The following SRMS variants were observed in gnomAD, a reference collection of about 807,000 sequenced individuals.
SRMS encodes the protein src-related kinase lacking C-terminal regulatory tyrosine and N-terminal myristylation sites, also known as tyrosine-protein kinase Srms.
In SRMS, 42 loss-of-function variants were observed where a neutral mutation model predicts 43.5. The observed-to-expected ratio is 0.97, with a 90% CI of 0.75 to 1.25. The LOEUF (loss-of-function observed/expected upper bound fraction) is 1.25. Ranked by LOEUF, SRMS falls within the 50% of genes most tolerant of loss-of-function variation. The pLI, the probability that SRMS is intolerant of heterozygous loss-of-function variation, is 0.00. For missense variants in SRMS, 703 were observed against 681.0 expected (o/e 1.03, Z -0.36); for synonymous variants, 316 against 308.2 (o/e 1.03, Z -0.27).
At chr20:63,544,405 T>C in intron 1 of SRMS, 57 bp from the exon 2 acceptor site, 1 of 1,417,504 alleles carries the variant, frequency 7.1e-7, no homozygotes, top group Non-Finnish European at 9.2e-7. Context: ...TGGCCCCACA[T>C]GCTCTCCTCC....
chr20:63,543,290 G>A (rs200690195), intron 3 of SRMS, 24 bp downstream of exon 3: 4 of 1,609,368 alleles, frequency 2.5e-6, no homozygotes, highest in Middle Eastern at 1.7e-4. Flanking sequence ...CCAGCATGGG[G>A]CAGCTTGGCA....
rs961775830 is a variant in SRMS, at chr20:63,540,637, C to T, written c.*181G>A. On this transcript the variant is annotated 3_prime_UTR_variant, in exon 8 of 8. Transcript: ENST00000217188. The stretch of plus-strand genomic sequence containing the variant: ...TGCACGAGTCACACTGCACGGGGGA[C>T]GTCAGCCCCAGCCCTCCGTCTGCAC... Among the ~76,000 whole-genome samples the T allele has an allele frequency of 7.9e-5, 12 of 152,248 alleles. No homozygotes were observed. Among genetic ancestry groups the T allele is most frequent in the African/African-American group, 2.7e-4 (11 of 41,472 alleles).
intron 2 of SRMS, among the ~76,000 whole-genome samples, chr20:63,543,895 ATGAG>A (rs2082717101): frequency 6.6e-6 from 1 of 152,246 alleles, no homozygotes; most frequent in South Asian, 2.1e-4. Context: ...GAACGAGTGA[ATGAG>A]TGGATGAATG....
intron 1 of SRMS, 36 bp from the exon 2 acceptor site, chr20:63,544,384 C>T: frequency 1.4e-6 from 2 of 1,439,546 alleles, no homozygotes; most frequent in Non-Finnish European, 1.8e-6. Flanking sequence ...CCTTGCAGGC[C>T]CCTCAGCCAG....
chr20:63,547,358 G>A lies in SRMS; in HGVS notation c.106C>T (p.Pro36Ser). ...PDHGTPGSLD[P>S]NTDPVPTLPA... ...AGCGTGGGCACTGGGTCAGTGTTGGGGTCCAGGGACCCGGGGGTGCCATGG... is the reference window on the plus strand; with the variant it reads ...AGCGTGGGCACTGGGTCAGTGTTGGAGTCCAGGGACCCGGGGGTGCCATGG... The change falls in exon 1 of 8, where the codon CCC (proline) becomes TCC (serine). Residue 36 changes from proline to serine, a missense_variant. By Grantham distance (74) the Pro-to-Ser change is moderately conservative. Coordinates refer to ENST00000217188, the MANE Select transcript of SRMS (RefSeq NM_080823.4). 6.9e-6 allele frequency: 11 copies of A among 1,584,420 alleles called. No individual in the cohort carries two copies. Among genetic ancestry groups the A allele is most frequent in the Non-Finnish European group, 9.4e-6 (11 of 1,165,126 alleles).
Position 63,543,425 on chromosome 20 carries a change from G to T in SRMS, c.534C>A (p.Ser178Arg), listed in dbSNP as rs534594517. The change falls in exon 3 of 8, where the codon AGC becomes AGA. Residue 178 changes from serine to arginine, a missense_variant. Ser to Arg is a moderately radical substitution (Grantham distance 110). Coordinates refer to ENST00000217188, the MANE Select transcript of SRMS (RefSeq NM_080823.4). ...HYRVSMAADG[S>R]LYLQKGRLFP... The stretch of plus-strand genomic sequence containing the variant: ...AGAGCCGTCCCTTCTGCAGGTAGAG[G>T]CTGCCATCAGCTGCCATGGAGACCC... The T allele has an allele frequency of 6.2e-7, 1 of 1,612,812 alleles. No individual in the cohort carries two copies. Among genetic ancestry groups the T allele is most frequent in the South Asian group, 1.1e-5 (1 of 91,088 alleles).
chr20:63,541,300 C>T lies in SRMS; in HGVS notation c.1176G>A (p.Trp392Ter), dbSNP rs1221618322. 2.6e-6 allele frequency: 4 copies of T among 1,555,376 alleles called. No homozygotes were observed. Among genetic ancestry groups the T allele is most frequent in the Non-Finnish European group, 3.5e-6 (4 of 1,153,506 alleles). The change falls in exon 7 of 8, where the codon TGG (tryptophan) becomes TGA (stop). Residue 392 changes from tryptophan (W) to a stop codon, truncating the protein, a stop_gained. Transcript: ENST00000217188. LOFTEE classifies it high-confidence loss of function. The stretch of plus-strand genomic sequence containing the variant: ...GATAATTGGCCGCCTCAGGCGCTGT[C>T]CACTTGACCGGGATCTTGGAGCTGC... Reference protein sequence around the residue: ...PSSSSKIPVKWTAPEAANYRV... With the variant: ...PSSSSKIPVK
In SRMS at chr20:63,547,157, G is replaced by A. The variant is rs775285849; in HGVS notation, c.307C>T (p.Pro103Ser). 13 of 1,609,262 alleles carry A rather than the reference G, an allele frequency of 8.1e-6. No individual in the cohort carries two copies. The highest frequency in any genetic ancestry group is 1.0e-5 in the Non-Finnish European group (12 of 1,177,988). The change falls in exon 1 of 8, where the codon CCC becomes TCC. Residue 103 changes from proline to serine, a missense_variant. Physicochemically the swap from Pro to Ser is moderately conservative, Grantham distance 74. Coordinates refer to ENST00000217188, the MANE Select transcript of SRMS (RefSeq NM_080823.4). Reference protein sequence around the residue: ...LSGQPSAGLVPITHVAKASPE... With the variant: ...LSGQPSAGLVSITHVAKASPE... ...GAAGCCTTGGCCACGTGGGTGATGGGCACGAGCCCGGCGCTGGGCTGGCCC... is the reference window on the plus strand; with the variant it reads ...GAAGCCTTGGCCACGTGGGTGATGGACACGAGCCCGGCGCTGGGCTGGCCC...
chr20:63,546,019 C>G (rs1210931052), intron 1 of SRMS, among the ~76,000 whole-genome samples: 1 of 152,118 alleles, frequency 6.6e-6, no homozygotes, highest in Non-Finnish European at 1.5e-5. Context: ...GTGTCTGGAG[C>G]TAATGACACC....
chr20:63,543,026 GC>G (rs1485767004), intron 3 of SRMS, among the ~76,000 whole-genome samples: 2 of 152,116 alleles, frequency 1.3e-5, no homozygotes, highest in Non-Finnish European at 2.9e-5. Context: ...CCCCAAACTG[GC>G]CCCACCCTCC....
chr20:63,543,190 G>C, intron 3 of SRMS, 124 bp downstream of exon 3: 1 of 1,204,022 alleles, frequency 8.3e-7, no homozygotes, highest in Non-Finnish European at 1.2e-6. Flanking sequence ...TCCCAGGCCT[G>C]GGCAGGGCCC....
chr20:63,542,547 T>C lies in SRMS; in HGVS notation c.680A>G (p.His227Arg). 1.9e-6 allele frequency: 3 copies of C among 1,610,982 alleles called. No individual in the cohort carries two copies. The highest frequency in any genetic ancestry group is 1.1e-5 in the South Asian group (1 of 91,036). The change falls in exon 4 of 8, where the codon CAC (histidine) becomes CGC (arginine). Residue 227 changes from histidine to arginine, a missense_variant. Coordinates refer to ENST00000217188, the MANE Select transcript of SRMS (RefSeq NM_080823.4). ...APRQDVWERP[H>R]SEFALGRKLG... ...CTTCCTCCCAAGGGCGAATTCGGAG[T>C]GTGGCCGCTCCCACACGTCCTGCCT...
rs1032869546 is a variant in SRMS at position 63,547,707 on chromosome 20, C to T, written c.-244G>A. 7.9e-5 allele frequency among the ~76,000 whole-genome samples: 12 copies of T among 152,326 alleles called. No homozygotes were observed. The highest frequency in any genetic ancestry group is 2.6e-4 in the Admixed American group (4 of 15,304). On this transcript the variant is annotated 5_prime_UTR_variant, in exon 1 of 8. Coordinates refer to ENST00000217188, the MANE Select transcript of SRMS (RefSeq NM_080823.4). Reference sequence around the variant, plus strand: ...GGCGGACCCCCTGCCTCAGGCACACCGACAGCACCTCCTGTCCTCGACCTC... The same window carrying T: ...GGCGGACCCCCTGCCTCAGGCACACTGACAGCACCTCCTGTCCTCGACCTC...
intron 5 of SRMS, 46 bp downstream of exon 5, chr20:63,542,117 G>A (rs768933903): frequency 1.2e-5 from 19 of 1,576,166 alleles, no homozygotes; most frequent in Admixed American, 3.5e-5. Context: ...GGGAAGGGGC[G>A]GTCGCAGGCG....
intron 1 of SRMS, among the ~76,000 whole-genome samples, chr20:63,545,526 G>A (rs911094470): frequency 3.9e-5 from 6 of 152,196 alleles, no homozygotes; most frequent in African/African-American, 1.2e-4. Context: ...GCTGGGGCAC[G>A]GCCATGCCAT....
In SRMS at chr20:63,547,130, G is replaced by C. The variant is rs138411221; in HGVS notation, c.334C>G (p.Pro112Ala). ...CACGGTTGGTCTGAGAGCGTCTCAG[G>C]AGAAGCCTTGGCCACGTGGGTGATG... The part of the protein sequence containing the change: ...VPITHVAKAS[P>A]ETLSDQPWYF... The change falls in exon 1 of 8, where the codon CCT becomes GCT. Residue 112 changes from proline to alanine, a missense_variant. By Grantham distance (27) the Pro-to-Ala change is conservative. Transcript: ENST00000217188. 1.4e-3 allele frequency: 2,311 copies of C among 1,596,802 alleles called. 6 individuals carry two copies. The African/African-American group carries it at 0.015, about 11-fold the overall frequency.
At position 63,543,386 on chromosome 20, in the gene SRMS, C is replaced by T. The variant is rs752168478; in HGVS notation, c.573G>A (p.Glu191=). 1 of 1,612,850 alleles carries T rather than the reference C, an allele frequency of 6.2e-7. No homozygotes were observed. Among genetic ancestry groups the T allele is most frequent in the South Asian group, 1.1e-5 (1 of 91,092 alleles). Residue 191 remains glutamate (E), a synonymous_variant, in exon 3 of 8, where the codon GAG becomes GAA. Transcript: ENST00000217188. The part of the protein sequence containing the change: ...LQKGRLFPGL[E]ELLTYYKANW... The stretch of plus-strand genomic sequence containing the variant: ...TGGCCTTGTAGTAGGTGAGCAGCTC[C>T]TCCAGGCCGGGAAAGAGCCGTCCCT...
chr20:63,547,238 C>A lies in SRMS; in HGVS notation c.226G>T (p.Asp76Tyr). 1 of 1,611,244 alleles carries A rather than the reference C, an allele frequency of 6.2e-7. No homozygotes were observed. Among genetic ancestry groups the A allele is most frequent in the Non-Finnish European group, 8.5e-7 (1 of 1,179,118 alleles). The change falls in exon 1 of 8, where the codon GAC (aspartate) becomes TAC (tyrosine). Residue 76 changes from aspartate (D) to tyrosine (Y), a missense_variant. Physicochemically the swap from Asp to Tyr is radical, Grantham distance 160. Coordinates refer to ENST00000217188, the MANE Select transcript of SRMS (RefSeq NM_080823.4). Reference protein sequence around the residue: ...CGGELSVRRGDRLCALEEGGG... With the variant: ...CGGELSVRRGYRLCALEEGGG... ...CCCTCTTCGAGGGCACAGAGCCTGT[C>A]CCCGCGGCGGACACTCAGCTCCCCG...
At chr20:63,543,715 C>G (rs1043927193) in intron 2 of SRMS, 1 of 524,704 alleles carries the variant, frequency 1.9e-6, no homozygotes, top group East Asian at 3.1e-5. Context: ...AGAGTAGGCA[C>G]TTAATAAATA....
Sources: gnomAD v4.1 joint callset for allele counts (sites outside exome capture counted in the v4.1 genomes callset) on GRCh38, gnomAD v4.1.1 for gene constraint, MANE v1.5 for transcripts, NCBI Gene and HGNC (gene_info 2026-07-23, HGNC 2026-07-21) for gene names.